RPS6KC1: variants seen among roughly 807,000 people sequenced by gnomAD.
RPS6KC1 encodes the protein ribosomal protein S6 kinase C1, also known as inactive ribosomal protein S6 kinase delta-1.
A neutral mutation model predicts 103.8 loss-of-function variants in RPS6KC1; 54 were observed. The observed-to-expected ratio is 0.52, with a 90% CI of 0.42 to 0.65. The LOEUF is 0.65. Ranked by LOEUF, RPS6KC1 falls within the 30% of genes least tolerant of loss-of-function variation. The pLI is 0.00. For synonymous variants in RPS6KC1, 439 were observed against 438.7 expected (o/e 1.00, Z -0.01); for missense variants, 1,151 against 1,253.8 (o/e 0.92, Z 1.24).
the RPS6KC1 span, among the ~76,000 whole-genome samples, chr1:213,833,061 C>T: frequency 6.6e-6 from 1 of 152,192 alleles, no homozygotes; most frequent in Non-Finnish European, 1.5e-5. Flanking sequence ...AGCTCTCCAG[C>T]CTTCAGCAGA....
At chr1:213,739,607 G>T in the RPS6KC1 span, among the ~76,000 whole-genome samples, 2 of 151,958 alleles carry the variant, frequency 1.3e-5, no homozygotes, top group South Asian at 2.1e-4. Flanking sequence ...TGAAATTTTG[G>T]AACATTAAGA....
chr1:213,192,075 C>T (rs1269143347), intron 8 of RPS6KC1, among the ~76,000 whole-genome samples: 1 of 152,032 alleles, frequency 6.6e-6, no homozygotes, highest in South Asian at 2.1e-4. Flanking sequence ...CTTCTATCCC[C>T]AGTTTTTTGA....
chr1:213,552,677 C>T, the RPS6KC1 span, among the ~76,000 whole-genome samples: 1 of 152,156 alleles, frequency 6.6e-6, no homozygotes, highest in Non-Finnish European at 1.5e-5. Context: ...CATAAAGTCT[C>T]AATCTCCATA....
the RPS6KC1 span, among the ~76,000 whole-genome samples, chr1:213,682,093 T>C: frequency 6.6e-6 from 1 of 152,330 alleles, no homozygotes; most frequent in African/African-American, 2.4e-5. Context: ...CCTGGTTTGC[T>C]GAGGACAGTA....
the RPS6KC1 span, among the ~76,000 whole-genome samples, chr1:213,579,031 C>T: frequency 2.6e-5 from 4 of 151,990 alleles, no homozygotes. Context: ...GTGGGAGGGA[C>T]CCTGGTGGGA....
At position 213,273,157 on chromosome 1, in the gene RPS6KC1, A is replaced by T. The variant is rs1449913321; in HGVS notation, c.*523A>T. On this transcript the variant is annotated 3_prime_UTR_variant, in exon 15 of 15. Transcript: ENST00000366960. ...TTTCTGACGGAAAACCTGTACCCTG[A>T]TGCTGTATAATGTATGTTGAATGTG... 1 of 155,226 alleles carries T rather than the reference A, an allele frequency of 6.4e-6. No homozygotes were observed. The highest frequency in any genetic ancestry group is 2.4e-5 in the African/African-American group (1 of 41,482). The allele number at this position is 155,226 out of a possible 1,614,324, so 9.6% of individuals were successfully genotyped here. A position where few individuals can be genotyped will look rare whatever the true frequency, so the allele number is the denominator to read the frequency against.
intron 4 of RPS6KC1, among the ~76,000 whole-genome samples, chr1:213,111,807 A>G (rs2083055236): frequency 1.3e-5 from 2 of 152,196 alleles, no homozygotes; most frequent in African/African-American, 4.8e-5. Context: ...ATCTTTTGAC[A>G]TTCTCTAGAA....
At chr1:213,292,041 A>G in the RPS6KC1 span, among the ~76,000 whole-genome samples, 14 of 151,966 alleles carry the variant, frequency 9.2e-5, no homozygotes, top group Admixed American at 2.6e-4. Context: ...ATAGGTGGGA[A>G]TTGAACAATG....
chr1:213,660,219 G>A, the RPS6KC1 span, among the ~76,000 whole-genome samples: 2 of 152,224 alleles, frequency 1.3e-5, no homozygotes, highest in African/African-American at 4.8e-5. Flanking sequence ...AATTCTTTTA[G>A]TTGGAGTGAC....
chr1:213,437,841 A>G, the RPS6KC1 span, among the ~76,000 whole-genome samples: 1 of 151,886 alleles, frequency 6.6e-6, no homozygotes, highest in Admixed American at 6.5e-5. Flanking sequence ...ATCTCCTAAT[A>G]TGTGAATTTA....
the RPS6KC1 span, among the ~76,000 whole-genome samples, chr1:213,533,657 T>G: frequency 2.6e-5 from 4 of 152,206 alleles, no homozygotes; most frequent in Non-Finnish European, 5.9e-5. Flanking sequence ...CTACCCTCAC[T>G]TGAAAGCCAG....
chr1:213,342,575 C>T, the RPS6KC1 span, among the ~76,000 whole-genome samples: 16 of 152,164 alleles, frequency 1.1e-4, no homozygotes, highest in East Asian at 9.7e-4. Context: ...TTTTCATGTT[C>T]CCATCGATGT....
the RPS6KC1 span, among the ~76,000 whole-genome samples, chr1:213,860,452 C>T: frequency 6.0e-5 from 9 of 151,200 alleles, no homozygotes; most frequent in African/African-American, 2.2e-4. Context: ...ATAATAAGAG[C>T]TCACAGCTAT....
the RPS6KC1 span, among the ~76,000 whole-genome samples, chr1:213,420,842 C>T: frequency 1.8e-4 from 28 of 152,328 alleles, no homozygotes; most frequent in African/African-American, 6.5e-4. Flanking sequence ...CACGCTCCCT[C>T]TGAACATGCA....
At chr1:213,397,147 A>C in the RPS6KC1 span, among the ~76,000 whole-genome samples, 1 of 152,214 alleles carries the variant, frequency 6.6e-6, no homozygotes, top group African/African-American at 2.4e-5. Context: ...ATGGTACAGC[A>C]GGTTCCCCCG....
At chr1:213,655,320 G>T in the RPS6KC1 span, among the ~76,000 whole-genome samples, 34 of 127,464 alleles carry the variant, frequency 2.7e-4, no homozygotes, top group South Asian at 8.0e-4. Context: ...TGGGATTACA[G>T]GCATGAGCCA....
At chr1:213,766,905 C>T in the RPS6KC1 span, among the ~76,000 whole-genome samples, 1 of 152,136 alleles carries the variant, frequency 6.6e-6, no homozygotes, top group Non-Finnish European at 1.5e-5. Flanking sequence ...AAAATGGCCT[C>T]CCCTCGCCAT....
the RPS6KC1 span, among the ~76,000 whole-genome samples, chr1:213,576,874 G>A: frequency 6.6e-6 from 1 of 152,198 alleles, no homozygotes; most frequent in Admixed American, 6.5e-5. Flanking sequence ...ATGCAAAGAA[G>A]TTATTGAAGG....
chr1:213,732,182 A>G, the RPS6KC1 span, among the ~76,000 whole-genome samples: 1 of 152,218 alleles, frequency 6.6e-6, no homozygotes, highest in Non-Finnish European at 1.5e-5. Flanking sequence ...TCTTTTCTCA[A>G]ATCTAGGTGG....
Sources: gnomAD v4.1 joint callset for allele counts (sites outside exome capture counted in the v4.1 genomes callset) on GRCh38, gnomAD v4.1.1 for gene constraint, MANE v1.5 for transcripts, NCBI Gene and HGNC (gene_info 2026-07-23, HGNC 2026-07-21) for gene names.